The following NKAIN2 variants were observed in gnomAD, a reference collection of about 807,000 sequenced individuals.
NKAIN2 encodes the protein sodium/potassium-transporting ATPase subunit beta-1-interacting protein 2.
Under a neutral mutation model 32.6 loss-of-function variants are expected in NKAIN2, and 14 were observed. The observed-to-expected ratio is 0.43, with a 90% CI of 0.28 to 0.67. The LOEUF (loss-of-function observed/expected upper bound fraction) is 0.67, where lower values mean the gene tolerates loss of function less well. Ranked by LOEUF, NKAIN2 falls within the 30% of genes least tolerant of loss-of-function variation. The pLI is 0.17. For synonymous variants in NKAIN2, 80 were observed against 87.2 expected (o/e 0.92, Z 0.46); for missense variants, 198 against 258.3 (o/e 0.77, Z 1.60).
chr6:124,729,548 G>C (rs1354765359), intron 4 of NKAIN2, among the ~76,000 whole-genome samples: 1 of 151,548 alleles, frequency 6.6e-6, no homozygotes, highest in Non-Finnish European at 1.5e-5. Context: ...AGGTATTGAT[G>C]GGACATATTT....
chr6:124,032,215 A>G (rs945309560), intron 1 of NKAIN2, among the ~76,000 whole-genome samples: 1 of 140,596 alleles, frequency 7.1e-6, no homozygotes, highest in Admixed American at 7.7e-5. Flanking sequence ...GAACAATGAG[A>G]ACACTTGGAT....
At chr6:124,267,840 C>G (rs1023413810) in intron 1 of NKAIN2, among the ~76,000 whole-genome samples, 40 of 152,184 alleles carry the variant, frequency 2.6e-4, no homozygotes, top group African/African-American at 9.6e-4. Flanking sequence ...TGAAAAATAT[C>G]TTTAATTTAT....
chr6:124,048,111 G>C (rs1417834592), intron 1 of NKAIN2, among the ~76,000 whole-genome samples: 2 of 151,946 alleles, frequency 1.3e-5, no homozygotes, highest in Non-Finnish European at 2.9e-5. Context: ...GATGGCTTCT[G>C]GTGCCTCTTC....
chr6:124,706,780 CTAAAA>C (rs1353791160), intron 4 of NKAIN2, among the ~76,000 whole-genome samples: 2 of 152,096 alleles, frequency 1.3e-5, no homozygotes, highest in Non-Finnish European at 1.5e-5. Context: ...AACTGAAAAA[CTAAAA>C]TAAAATAAAA....
At chr6:124,540,534 A>C (rs57240246) in intron 3 of NKAIN2, among the ~76,000 whole-genome samples, 2,883 of 152,340 alleles carry the variant, frequency 0.019, 84 homozygotes, top group African/African-American at 0.065. Context: ...GTGGTGAAAC[A>C]AACCTAGGTT....
At chr6:124,432,618 C>G (rs1188315911) in intron 3 of NKAIN2, among the ~76,000 whole-genome samples, 1 of 151,900 alleles carries the variant, frequency 6.6e-6, no homozygotes, top group Non-Finnish European at 1.5e-5. Context: ...AAAATCTAAA[C>G]AAATAAATAA....
chr6:124,139,450 T>C (rs1787029174), intron 1 of NKAIN2, among the ~76,000 whole-genome samples: 1 of 152,214 alleles, frequency 6.6e-6, no homozygotes, highest in African/African-American at 2.4e-5. Context: ...AACTGTAAGC[T>C]GTTAAAAGTA....
rs73561255 is a variant in NKAIN2 at position 124,218,920 on chromosome 6, G to A, written c.55-64085G>A. 4.1e-3 allele frequency among the ~76,000 whole-genome samples: 620 copies of A among 152,282 alleles called. 6 individuals are homozygous for A. The highest frequency in any genetic ancestry group is 0.014 in the African/African-American group (572 of 41,546). On this transcript the variant is annotated intron_variant, in intron 1 of 6. Transcript: ENST00000368417. ...AATTGACTCACAGTTCCACACAGCAGGGGAGGCCTCAGGAAAGTTACAACC... is the reference window on the plus strand; with the variant it reads ...AATTGACTCACAGTTCCACACAGCAAGGGAGGCCTCAGGAAAGTTACAACC...
intron 4 of NKAIN2, among the ~76,000 whole-genome samples, chr6:124,666,793 G>A (rs577518797): frequency 6.6e-6 from 1 of 152,014 alleles, no homozygotes; most frequent in East Asian, 1.9e-4. Flanking sequence ...TGCAAATTTA[G>A]TAATATAAGG....
chr6:124,315,899 C>T (rs1796930209), intron 2 of NKAIN2, among the ~76,000 whole-genome samples: 1 of 151,988 alleles, frequency 6.6e-6, no homozygotes, highest in Non-Finnish European at 1.5e-5. Flanking sequence ...TTTAGAAACT[C>T]AGAGAATTGA....
intron 3 of NKAIN2, among the ~76,000 whole-genome samples, chr6:124,416,448 C>A (rs539446775): frequency 6.6e-6 from 1 of 152,076 alleles, no homozygotes; most frequent in Admixed American, 6.6e-5. Flanking sequence ...CCAGCCTGGG[C>A]AACATAGCAA....
chr6:124,135,037 G>A (rs562980206), intron 1 of NKAIN2, among the ~76,000 whole-genome samples: 2 of 152,194 alleles, frequency 1.3e-5, no homozygotes, highest in Admixed American at 6.5e-5. Flanking sequence ...CAAGAATTTT[G>A]TATCCGGCAA....
At chr6:124,189,517 G>A (rs970018817) in intron 1 of NKAIN2, among the ~76,000 whole-genome samples, 1 of 152,040 alleles carries the variant, frequency 6.6e-6, no homozygotes, top group African/African-American at 2.4e-5. Context: ...TGCTAACATG[G>A]TGAAACTCTG....
intron 3 of NKAIN2, among the ~76,000 whole-genome samples, chr6:124,461,905 T>C (rs1474005825): frequency 6.6e-6 from 1 of 151,272 alleles, no homozygotes; most frequent in Non-Finnish European, 1.5e-5. Context: ...GCTGGTTTGA[T>C]TGAGGTTAAT....
intron 1 of NKAIN2, among the ~76,000 whole-genome samples, chr6:124,059,592 G>T (rs985885622): frequency 6.6e-6 from 1 of 152,138 alleles, no homozygotes; most frequent in African/African-American, 2.4e-5. Context: ...TCCTGGCACA[G>T]AGTGGATATT....
intron 3 of NKAIN2, among the ~76,000 whole-genome samples, chr6:124,593,022 C>T (rs1203502705): frequency 1.3e-5 from 2 of 152,172 alleles, no homozygotes; most frequent in East Asian, 1.9e-4. Context: ...CCCACTGTTG[C>T]CCATTGCCCC....
At chr6:124,771,648 TTAAA>T (rs931174004) in intron 4 of NKAIN2, among the ~76,000 whole-genome samples, 4 of 152,318 alleles carry the variant, frequency 2.6e-5, no homozygotes, top group South Asian at 2.1e-4. Flanking sequence ...TTAACAGAGA[TTAAA>T]TAAATGGCAG....
At chr6:124,359,451 G>A (rs1309590548) in intron 3 of NKAIN2, among the ~76,000 whole-genome samples, 1 of 152,094 alleles carries the variant, frequency 6.6e-6, no homozygotes, top group Non-Finnish European at 1.5e-5. Flanking sequence ...ATTTCATTGA[G>A]CAGTGGTTTG....
intron 1 of NKAIN2, among the ~76,000 whole-genome samples, chr6:123,892,138 G>A (rs1774047549): frequency 6.6e-6 from 1 of 152,146 alleles, no homozygotes; most frequent in East Asian, 1.9e-4. Context: ...GTAAAAGAAA[G>A]TGAGGGCTCC....
Sources: allele counts gnomAD v4.1 joint callset (sites outside exome capture counted in the v4.1 genomes callset), GRCh38; gene constraint gnomAD v4.1.1; transcripts MANE v1.5; gene names NCBI Gene and HGNC (gene_info 2026-07-23, HGNC 2026-07-21).